Variants in EYA2 observed in about 807,000 individuals in gnomAD.
EYA2 encodes protein phosphatase EYA2.
In EYA2, 31 loss-of-function variants were observed where a neutral mutation model predicts 69.2. That is an observed-to-expected ratio of 0.45 (90% CI 0.34 to 0.60). The LOEUF (loss-of-function observed/expected upper bound fraction) is 0.60. Among genes scored for constraint, EYA2 ranks in the 20% least tolerant of loss-of-function variants. The probability of loss-of-function intolerance (pLI) is 0.02; values close to 1 mark genes in which losing one functional copy is unlikely to be tolerated. For missense variants in EYA2, 622 were observed against 701.2 expected (o/e 0.89, Z 1.28); for synonymous variants, 257 against 279.4 (o/e 0.92, Z 0.80).
intron 9 of EYA2, among the ~76,000 whole-genome samples, chr20:47,099,793 C>A (rs1329399377): frequency 7.0e-6 from 1 of 143,288 alleles, no homozygotes; most frequent in Admixed American, 7.3e-5. Context: ...GTCCTCATAA[C>A]TGTGTTTTCC....
intron 15 of EYA2, among the ~76,000 whole-genome samples, chr20:47,187,461 G>A (rs960672498): frequency 5.1e-5 from 6 of 116,558 alleles, no homozygotes; most frequent in African/African-American, 2.2e-4. Flanking sequence ...AAAGAAAACA[G>A]ATTAGTGTCA....
chr20:47,063,386 C>CGTGTGTGTGTGT (rs1228558146), intron 5 of EYA2, among the ~76,000 whole-genome samples: 2 of 93,566 alleles, frequency 2.1e-5, no homozygotes, highest in Admixed American at 2.3e-4. Flanking sequence ...TGTGTGTGTG[C>CGTGTGTGTGTGT]GTGTGCGTGT....
rs73125589 is a variant in EYA2, at chr20:47,124,888, A to T, written c.889-18171A>T. 5.8e-3 allele frequency among the ~76,000 whole-genome samples: 879 copies of T among 151,664 alleles called. 2 individuals carry two copies. The highest frequency in any genetic ancestry group is 8.2e-3 in the Non-Finnish European group (557 of 67,886). On this transcript the variant is annotated intron_variant, in intron 9 of 15. Coordinates refer to ENST00000327619, the MANE Select transcript of EYA2 (RefSeq NM_005244.5). Reference sequence around the variant, plus strand: ...TTCTTCAAAGATTAAAAAAAAAAAAATTCTAAGAGGCTGAATAGTTGCACA... The same window carrying T: ...TTCTTCAAAGATTAAAAAAAAAAAATTTCTAAGAGGCTGAATAGTTGCACA...
intron 1 of EYA2, among the ~76,000 whole-genome samples, chr20:46,934,225 T>C (rs1411579487): frequency 6.6e-6 from 1 of 152,196 alleles, no homozygotes; most frequent in African/African-American, 2.4e-5. Context: ...GAAACTGAAA[T>C]GCTACCTGCA....
chr20:47,174,595 C>T (rs1169778280), intron 12 of EYA2, among the ~76,000 whole-genome samples: 1 of 152,226 alleles, frequency 6.6e-6, no homozygotes, highest in Non-Finnish European at 1.5e-5. Context: ...TTCATGGCTG[C>T]GGTGCTAATG....
At chr20:47,068,786 T>A (rs144651617) in intron 5 of EYA2, among the ~76,000 whole-genome samples, 3 of 152,218 alleles carry the variant, frequency 2.0e-5, no homozygotes, top group Non-Finnish European at 4.4e-5. Flanking sequence ...GAAGTAAGTT[T>A]CCTGGAGTCC....
intron 12 of EYA2, among the ~76,000 whole-genome samples, chr20:47,173,340 C>T (rs1297268160): frequency 1.3e-5 from 2 of 151,782 alleles, no homozygotes; most frequent in South Asian, 2.1e-4. Context: ...CCCCTGGAAT[C>T]GGGAGGACCT....
In EYA2 at chr20:47,087,103, GT is replaced by G. The variant is rs1317274821; in HGVS notation, c.662-2135del. On this transcript the variant is annotated intron_variant, in intron 7 of 15. Transcript: ENST00000327619. Reference sequence around the variant, plus strand: ...GCTGCATCCTGAAGACTCTGGGGAGGTGGAAAACACCCAGCCATCCTGACAG... The same window carrying G: ...GCTGCATCCTGAAGACTCTGGGGAGGGGAAAACACCCAGCCATCCTGACAG... Among the ~76,000 whole-genome samples, 5 of 152,150 alleles carry G rather than the reference GT, an allele frequency of 3.3e-5. No homozygotes were observed. In the East Asian group the frequency reaches 9.6e-4, roughly 29 times the overall value.
At chr20:46,947,803 T>C (rs1217833994) in intron 1 of EYA2, among the ~76,000 whole-genome samples, 1 of 152,130 alleles carries the variant, frequency 6.6e-6, no homozygotes, top group Admixed American at 6.5e-5. Context: ...ATCTGAGATA[T>C]TTGGTCAACA....
intron 1 of EYA2, among the ~76,000 whole-genome samples, chr20:46,933,673 G>T (rs372873777): frequency 6.6e-6 from 1 of 152,236 alleles, no homozygotes; most frequent in Non-Finnish European, 1.5e-5. Context: ...GAGGGAGGCC[G>T]ATGAGAAATG....
chr20:46,991,987 C>T (rs943723480), intron 2 of EYA2, among the ~76,000 whole-genome samples: 76 of 62,704 alleles, frequency 1.2e-3, no homozygotes, highest in Non-Finnish European at 1.9e-3. Context: ...AAAAAAAAAA[C>T]GCTGAAAGCT....
chr20:47,124,234 A>T (rs1349170298), intron 9 of EYA2, among the ~76,000 whole-genome samples: 1 of 152,164 alleles, frequency 6.6e-6, no homozygotes, highest in African/African-American at 2.4e-5. Context: ...CTGGTGGTAA[A>T]GGGTTACACC....
Position 47,038,749 on chromosome 20 carries a change from GAAC to G in EYA2, c.415+22456_415+22458del, listed in dbSNP as rs985171962. Among the ~76,000 whole-genome samples the G allele has an allele frequency of 1.9e-4, 29 of 152,210 alleles. 1 individual carries two copies. Among genetic ancestry groups the G allele is most frequent in the African/African-American group, 7.0e-4 (29 of 41,520 alleles). The stretch of plus-strand genomic sequence containing the variant: ...TTGCCAAACTGAAACTATATCCATT[GAAC>G]AACTAGTCCCCGTTCCCCGCACGTA... On this transcript the variant is annotated intron_variant, in intron 5 of 15. Coordinates refer to ENST00000327619, the MANE Select transcript of EYA2 (RefSeq NM_005244.5).
At position 47,089,265 on chromosome 20, in the gene EYA2, T is replaced by C; in HGVS notation, c.688T>C (p.Ser230Pro). 1.2e-6 allele frequency: 2 copies of C among 1,614,080 alleles called. No homozygotes were observed. Among genetic ancestry groups the C allele is most frequent in the Non-Finnish European group, 1.7e-6 (2 of 1,180,006 alleles). The change falls in exon 8 of 16, where the codon TCC (serine) becomes CCC (proline). Residue 230 changes from serine (S) to proline (P), a missense_variant. By Grantham distance (74) the Ser-to-Pro change is moderately conservative. Around this residue, in one of 2 missense-constraint regions of EYA2, gnomAD observed 365 missense variants for 349.7 expected, o/e 1.04. Transcript: ENST00000327619. ...TGAATACAACACACACAATGGACCT[T>C]CCACACCAGCGAAAGAGGGAGACAC... ...AGEYNTHNGP[S>P]TPAKEGDTDR...
At chr20:47,164,143 G>A (rs965785957) in intron 10 of EYA2, among the ~76,000 whole-genome samples, 8 of 152,134 alleles carry the variant, frequency 5.3e-5, no homozygotes, top group Admixed American at 2.0e-4. Flanking sequence ...GCTGAGGGTC[G>A]TGGGATTCTC....
intron 5 of EYA2, among the ~76,000 whole-genome samples, chr20:47,060,847 CTCTCTT>C (rs2030847302): frequency 7.1e-6 from 1 of 140,238 alleles, no homozygotes; most frequent in East Asian, 2.1e-4. Context: ...ATCGCTCTCT[CTCTCTT>C]TTTTTTTTTT....
chr20:47,000,732 G>A (rs1421863950), intron 2 of EYA2, among the ~76,000 whole-genome samples: 1 of 152,152 alleles, frequency 6.6e-6, no homozygotes, highest in Non-Finnish European at 1.5e-5. Context: ...ATTGTGTGCT[G>A]AGTGATTGGG....
intron 1 of EYA2, among the ~76,000 whole-genome samples, chr20:46,969,322 A>T (rs769729091): frequency 6.6e-6 from 1 of 152,106 alleles, no homozygotes; most frequent in Non-Finnish European, 1.5e-5. Flanking sequence ...GGCTCAAGCC[A>T]TCCTCCTGCC....
chr20:46,995,829 A>G (rs1981983084), intron 2 of EYA2, among the ~76,000 whole-genome samples: 1 of 152,240 alleles, frequency 6.6e-6, no homozygotes, highest in Non-Finnish European at 1.5e-5. Context: ...AAGGGCCCCC[A>G]GGAGAGTGGA....
Sources: gnomAD v4.1 joint callset for allele counts (sites outside exome capture counted in the v4.1 genomes callset) on GRCh38, gnomAD v4.1.1 for gene constraint, gnomAD v4.1.1 regional missense constraint, MANE v1.5 for transcripts, NCBI Gene and HGNC (gene_info 2026-07-23, HGNC 2026-07-21) for gene names.